Variants in MSI2 observed in about 807,000 individuals in gnomAD.
MSI2 encodes RNA-binding protein Musashi homolog 2.
Under a neutral mutation model 45.6 loss-of-function variants are expected in MSI2, and 17 were observed. That is an observed-to-expected ratio of 0.37 (90% CI 0.26 to 0.56). The LOEUF (loss-of-function observed/expected upper bound fraction) is 0.56, where lower values mean the gene tolerates loss of function less well. MSI2 is among the 20% of genes least tolerant of loss of function. MSI2 has a pLI of 0.77. For missense variants in MSI2, 293 were observed against 444.2 expected, an observed-to-expected ratio of 0.66 and a Z score of 3.06; for synonymous variants, 156 against 158.2, an observed-to-expected ratio of 0.99 and a Z score of 0.11.
chr17:57,534,681 C>T (rs1330740046), intron 7 of MSI2, among the ~76,000 whole-genome samples: 2 of 152,234 alleles, frequency 1.3e-5, no homozygotes, highest in African/African-American at 2.4e-5. Flanking sequence ...CGCCATTGCA[C>T]TCCAGCCTGG....
At chr17:57,288,843 G>A (rs1437900432) in intron 5 of MSI2, among the ~76,000 whole-genome samples, 1 of 152,092 alleles carries the variant, frequency 6.6e-6, no homozygotes, top group Non-Finnish European at 1.5e-5. Flanking sequence ...TTGGGGAAGT[G>A]GGGGTGCATT....
At chr17:57,651,986 C>G (rs1911184038) in intron 10 of MSI2, 113 bp from the exon 11 acceptor site, 2 of 974,958 alleles carry the variant, frequency 2.1e-6, no homozygotes, top group Admixed American at 1.8e-5. Flanking sequence ...AAAATCCCTT[C>G]CCACTCCTGT....
At chr17:57,492,723 C>T (rs2085899770) in intron 6 of MSI2, among the ~76,000 whole-genome samples, 2 of 152,180 alleles carry the variant, frequency 1.3e-5, no homozygotes, top group South Asian at 4.1e-4. Flanking sequence ...CCTCAGCCTC[C>T]CAAACTGGGA....
chr17:57,363,628 A>C (rs778098210), intron 5 of MSI2, among the ~76,000 whole-genome samples: 4 of 152,104 alleles, frequency 2.6e-5, no homozygotes, highest in Non-Finnish European at 5.9e-5. Context: ...AATCCCAGCT[A>C]CTCAGGAGGC....
intron 6 of MSI2, among the ~76,000 whole-genome samples, chr17:57,428,815 A>C (rs930141434): frequency 6.6e-6 from 1 of 151,880 alleles, no homozygotes; most frequent in African/African-American, 2.4e-5. Flanking sequence ...TGTATTGTCC[A>C]TTTTCCAAGG....
At chr17:57,510,605 A>G (rs796094568) in intron 6 of MSI2, among the ~76,000 whole-genome samples, 4 of 151,180 alleles carry the variant, frequency 2.6e-5, no homozygotes, top group Admixed American at 2.0e-4. Context: ...TTTCTGTATT[A>G]TTAGTAGAGA....
At chr17:57,337,120 A>T (rs2143765491) in intron 5 of MSI2, among the ~76,000 whole-genome samples, 1 of 152,328 alleles carries the variant, frequency 6.6e-6, no homozygotes, top group Non-Finnish European at 1.5e-5. Flanking sequence ...TTTGGCTCTT[A>T]AAATTCTCTT....
In MSI2 at chr17:57,627,642, T is replaced by C. The variant is rs1385018358; in HGVS notation, c.727+339T>C. 8.4e-6 allele frequency: 3 copies of C among 356,504 alleles called. No homozygotes were observed. The highest frequency in any genetic ancestry group is 1.5e-5 in the Non-Finnish European group (3 of 193,866). 22.1% of individuals were successfully genotyped at this position (356,504 alleles called of 1,614,324 possible). ...GGACTGAACTCTAGGCCCAGGGCTT[T>C]CTTTCACCCTCTACCACCCCTTGCC... On this transcript the variant is annotated intron_variant, in intron 10 of 13. Transcript: ENST00000284073. The surrounding 1 kb of genome is among the most constrained non-coding windows in gnomAD (Gnocchi z 4.6).
chr17:57,280,851 T>G lies in MSI2; in HGVS notation c.312+18659T>G, dbSNP rs551051396. ...AGCACACATAAACATTTTAATCTTT[T>G]TCTTCTAAACCCTACTTCGGAGACC... is the stretch of plus-strand genomic sequence containing the variant. On this transcript the variant is annotated intron_variant, in intron 5 of 13. Transcript: ENST00000284073. The surrounding 1 kb of genome is among the most constrained non-coding windows in gnomAD (Gnocchi z 4.2). 3.3e-5 allele frequency among the ~76,000 whole-genome samples: 5 copies of G among 152,302 alleles called. No homozygotes were observed. Among genetic ancestry groups the G allele is most frequent in the Non-Finnish European group, 7.4e-5 (5 of 68,022 alleles).
chr17:57,261,767 T>C (rs979582753), intron 4 of MSI2, among the ~76,000 whole-genome samples: 4 of 152,248 alleles, frequency 2.6e-5, no homozygotes, highest in African/African-American at 9.6e-5. Context: ...TTATGATTTT[T>C]TTCCCAATGA....
At chr17:57,476,136 T>C (rs2085532648) in intron 6 of MSI2, among the ~76,000 whole-genome samples, 1 of 152,238 alleles carries the variant, frequency 6.6e-6, no homozygotes, top group South Asian at 2.1e-4. Flanking sequence ...AGGTTTGTCA[T>C]GCAAACGGTT....
intron 5 of MSI2, among the ~76,000 whole-genome samples, chr17:57,315,558 A>G (rs970872707): frequency 1.3e-5 from 2 of 151,964 alleles, no homozygotes; most frequent in Admixed American, 6.6e-5. Flanking sequence ...GGCTGGGCCC[A>G]CTCCTCAGAA....
chr17:57,541,511 A>G (rs1038521510), intron 7 of MSI2, among the ~76,000 whole-genome samples: 5 of 152,180 alleles, frequency 3.3e-5, no homozygotes, highest in African/African-American at 1.2e-4. Flanking sequence ...TGAACTTCAA[A>G]AGCTGCCAAA....
At chr17:57,616,109 C>T in intron 9 of MSI2, 25 bp downstream of exon 9, 1 of 1,592,150 alleles carries the variant, frequency 6.3e-7, no homozygotes, top group Non-Finnish European at 8.6e-7. Context: ...GACCGCAGGT[C>T]ACCATGGACT....
intron 5 of MSI2, among the ~76,000 whole-genome samples, chr17:57,306,725 ATCTATTTG>A (rs1376705712): frequency 1.3e-5 from 2 of 151,982 alleles, no homozygotes; most frequent in African/African-American, 2.4e-5. Context: ...CTATTTATCT[ATCTATTTG>A]TTTGTTTGTT....
rs546420999 is a variant in MSI2 at position 57,273,626 on chromosome 17, T to G, written c.312+11434T>G. On this transcript the variant is annotated intron_variant, in intron 5 of 13. Transcript: ENST00000284073. Reference sequence around the variant, plus strand: ...TTGAGCACAAGTCCTGCCTGGGCAGTTTGCGTTTGGCAGGCCATCGCCTTA... The same window carrying G: ...TTGAGCACAAGTCCTGCCTGGGCAGGTTGCGTTTGGCAGGCCATCGCCTTA... Among the ~76,000 whole-genome samples, 8 of 152,346 alleles carry G rather than the reference T, an allele frequency of 5.3e-5. No homozygotes were observed. The South Asian group carries it at 1.7e-3, about 32-fold the overall frequency.
the MSI2 span, among the ~76,000 whole-genome samples, chr17:57,694,818 A>G: frequency 6.6e-6 from 1 of 152,198 alleles, no homozygotes; most frequent in African/African-American, 2.4e-5. Flanking sequence ...CTGCAGTCCC[A>G]GACCTCTGGT....
At chr17:57,593,105 G>T (rs1904980148) in intron 7 of MSI2, among the ~76,000 whole-genome samples, 1 of 152,140 alleles carries the variant, frequency 6.6e-6, no homozygotes, top group South Asian at 2.1e-4. Flanking sequence ...CTGACTTCAT[G>T]TTCTTTCCCC....
At chr17:57,270,490 G>A (rs1341666248) in intron 5 of MSI2, among the ~76,000 whole-genome samples, 2 of 152,212 alleles carry the variant, frequency 1.3e-5, no homozygotes, top group Admixed American at 1.3e-4. Flanking sequence ...CTGAGGAATA[G>A]AATTTGTGAT....
Sources: allele counts gnomAD v4.1 joint callset (sites outside exome capture counted in the v4.1 genomes callset), GRCh38; gene constraint gnomAD v4.1.1; non-coding constraint Gnocchi (gnomAD v3.1); transcripts MANE v1.5; gene names NCBI Gene and HGNC (gene_info 2026-07-23, HGNC 2026-07-21).